Variants in FAM210A observed in about 807,000 individuals in gnomAD.
FAM210A encodes family with sequence similarity 210 member A.
FAM210A carries 13 observed loss-of-function variants against 25.3 expected under a neutral mutation model. The observed-to-expected ratio is 0.51, with a 90% confidence interval of 0.33 to 0.82. The LOEUF is 0.82. Ranked by LOEUF, FAM210A falls within the 40% of genes least tolerant of loss-of-function variation. The pLI is 0.02. For synonymous variants in FAM210A, 125 were observed against 118.7 expected (o/e 1.05, Z -0.35); for missense variants, 319 against 323.2 (o/e 0.99, Z 0.10).
Position 13,664,201 on chromosome 18 carries a change from A to G in FAM210A, c.*2279T>C, listed in dbSNP as rs765729251. On this transcript the variant is annotated 3_prime_UTR_variant, in exon 4 of 4. Transcript: ENST00000651643. ...GAGAATTTCATATCATTCAAGCAGT[A>G]ACTCATTGTCTATTAGACTAACACA... The G allele has an allele frequency of 1.1e-4, 17 of 152,212 alleles. No homozygotes were observed. Among genetic ancestry groups the G allele is most frequent in the Non-Finnish European group, 2.1e-4 (14 of 68,032 alleles). 9.4% of individuals were successfully genotyped at this position (152,212 alleles called of 1,614,324 possible). A position where few individuals can be genotyped will look rare whatever the true frequency, so the allele number is the denominator to read the frequency against.
chr18:13,693,936 T>C (rs143111660), intron 1 of FAM210A, among the ~76,000 whole-genome samples: 140,380 of 152,248 alleles, frequency 0.92, 64,766 homozygotes, highest in East Asian at 0.97. Flanking sequence ...AAGAGGAAGT[T>C]AAATTCTCCC....
intron 1 of FAM210A, among the ~76,000 whole-genome samples, chr18:13,721,373 T>C (rs1017188232): frequency 6.6e-6 from 1 of 152,204 alleles, no homozygotes; most frequent in Non-Finnish European, 1.5e-5. Context: ...AATTAGTCAC[T>C]ACTCAGTTAA....
Position 13,666,498 on chromosome 18 carries a change from A to C in FAM210A, c.801T>G (p.Phe267Leu). The C allele has an allele frequency of 1.9e-6, 3 of 1,613,456 alleles. No homozygotes were observed. The highest frequency in any genetic ancestry group is 2.5e-6 in the Non-Finnish European group (3 of 1,179,728). The change falls in exon 4 of 4, where the codon TTT (phenylalanine) becomes TTG (leucine). Residue 267 changes from phenylalanine to leucine, a missense_variant. Physicochemically the swap from Phe to Leu is conservative, Grantham distance 22 (BLOSUM62 0). Coordinates refer to ENST00000651643, the MANE Select transcript of FAM210A (RefSeq NM_152352.4). ...KLQETKEKVSFKKKVE is the reference protein window; with the variant it reads ...KLQETKEKVSLKKKVE The stretch of plus-strand genomic sequence containing the variant: ...AGGCACCTTATTCCACTTTTTTCTT[A>C]AAGGAAACTTTTTCTTTGGTTTCTT...
intron 1 of FAM210A, among the ~76,000 whole-genome samples, chr18:13,713,398 C>T (rs558625558): frequency 6.6e-6 from 1 of 152,278 alleles, no homozygotes; most frequent in South Asian, 2.1e-4. Flanking sequence ...CTTAGTCCTC[C>T]TCTTCCTTAC....
intron 1 of FAM210A, among the ~76,000 whole-genome samples, chr18:13,716,967 C>T (rs369084067): frequency 3.0e-4 from 45 of 152,288 alleles, no homozygotes; most frequent in Non-Finnish European, 6.3e-4. Context: ...CAAGGCAGAG[C>T]GGGAGCTCTG....
At chr18:13,724,847 C>T (rs2043922735) in intron 1 of FAM210A, among the ~76,000 whole-genome samples, 1 of 152,302 alleles carries the variant, frequency 6.6e-6, no homozygotes, top group Non-Finnish European at 1.5e-5. Context: ...AATCTCGGCT[C>T]ACTGCAACCT....
At chr18:13,709,227 C>CT (rs112375168) in intron 1 of FAM210A, among the ~76,000 whole-genome samples, 34 of 152,254 alleles carry the variant, frequency 2.2e-4, no homozygotes, top group African/African-American at 6.7e-4. Context: ...TCCCATTTTT[C>CT]TTTGAGTAAC....
chr18:13,720,903 G>C (rs558939922), intron 1 of FAM210A, among the ~76,000 whole-genome samples: 2 of 152,216 alleles, frequency 1.3e-5, no homozygotes, highest in African/African-American at 4.8e-5. Flanking sequence ...ACATTTCTTG[G>C]TGTTCCTCTA....
rs184467240 is a variant in FAM210A, at chr18:13,680,919, T to A, written c.473+686A>T. Reference sequence around the variant, plus strand: ...AGAGAGATGCACTTTAAATTGTATGTTTCAAAACACTGGGAGGCTAGACCT... The same window carrying A: ...AGAGAGATGCACTTTAAATTGTATGATTCAAAACACTGGGAGGCTAGACCT... On this transcript the variant is annotated intron_variant, in intron 2 of 3. Coordinates refer to ENST00000651643, the MANE Select transcript of FAM210A (RefSeq NM_152352.4). 1.5e-3 allele frequency among the ~76,000 whole-genome samples: 230 copies of A among 152,254 alleles called. 1 individual carries two copies. Among genetic ancestry groups the A allele is most frequent in the African/African-American group, 5.1e-3 (212 of 41,540 alleles).
At chr18:13,671,675 G>T (rs534359968) in intron 3 of FAM210A, among the ~76,000 whole-genome samples, 187 bp downstream of exon 3, 6 of 145,958 alleles carry the variant, frequency 4.1e-5, no homozygotes, top group African/African-American at 1.5e-4. Flanking sequence ...GCAAACAAGA[G>T]CGAAACTCCA....
chr18:13,675,025 CTGG>C (rs1352534692), intron 2 of FAM210A, among the ~76,000 whole-genome samples: 10 of 133,264 alleles, frequency 7.5e-5, no homozygotes, highest in African/African-American at 2.8e-4. Flanking sequence ...TTCCTGAGCC[CTGG>C]CTTCTTTATT....
intron 2 of FAM210A, among the ~76,000 whole-genome samples, chr18:13,676,671 G>T (rs2043506389): frequency 6.6e-6 from 1 of 152,126 alleles, no homozygotes; most frequent in Non-Finnish European, 1.5e-5. Context: ...TTCCTAAATT[G>T]TCCCAGTATG....
intron 1 of FAM210A, among the ~76,000 whole-genome samples, chr18:13,711,103 G>C (rs773367588): frequency 2.0e-5 from 3 of 152,166 alleles, no homozygotes. Context: ...CTGGCACGGA[G>C]GCTCACGCCT....
chr18:13,725,678 G>C (rs917604365), intron 1 of FAM210A, among the ~76,000 whole-genome samples: 2 of 152,162 alleles, frequency 1.3e-5, no homozygotes, highest in Admixed American at 1.3e-4. Flanking sequence ...TTTTGACCCT[G>C]ATCTCAGGTT....
chr18:13,708,329 C>T (rs8098428), intron 1 of FAM210A, among the ~76,000 whole-genome samples: 16,115 of 152,228 alleles, frequency 0.11, 931 homozygotes, highest in South Asian at 0.14. Context: ...GCCACCCTTT[C>T]GGCACCTCCA....
chr18:13,690,104 A>G (rs2043630477), intron 1 of FAM210A, among the ~76,000 whole-genome samples: 1 of 152,200 alleles, frequency 6.6e-6, no homozygotes, highest in South Asian at 2.1e-4. Flanking sequence ...ACACCAGATT[A>G]TATCCCGTGC....
At chr18:13,682,135 G>A in intron 1 of FAM210A, 30 bp from the exon 2 acceptor site, 4 of 1,397,040 alleles carry the variant, frequency 2.9e-6, no homozygotes, top group Non-Finnish European at 3.9e-6. Context: ...AAAAAATTAG[G>A]TAATACTTAG....
At chr18:13,679,662 G>A (rs995509557) in intron 2 of FAM210A, among the ~76,000 whole-genome samples, 1 of 152,136 alleles carries the variant, frequency 6.6e-6, no homozygotes, top group Non-Finnish European at 1.5e-5. Context: ...CTAGCAACCC[G>A]ATTCCTATGC....
intron 1 of FAM210A, among the ~76,000 whole-genome samples, chr18:13,723,725 T>C (rs1244127099): frequency 6.6e-6 from 1 of 152,222 alleles, no homozygotes; most frequent in Non-Finnish European, 1.5e-5. Context: ...TAACTAGGTA[T>C]TATAGCCTAG....
Sources: gnomAD v4.1 joint callset for allele counts (sites outside exome capture counted in the v4.1 genomes callset) on GRCh38, gnomAD v4.1.1 for gene constraint, MANE v1.5 for transcripts, NCBI Gene and HGNC (gene_info 2026-07-23, HGNC 2026-07-21) for gene names.